Variants in CELF4 observed in about 807,000 individuals in gnomAD.
The protein encoded by CELF4 is CUG-BP- and ETR-3-like factor 4.
In CELF4, 18 loss-of-function variants were observed where a neutral mutation model predicts 59.9. The ratio of observed to expected loss-of-function variants is 0.30; its 90% CI spans 0.21 to 0.45. The LOEUF (loss-of-function observed/expected upper bound fraction) is 0.45, where lower values mean the gene tolerates loss of function less well. Among genes scored for constraint, CELF4 ranks in the 20% least tolerant of loss-of-function variants. The pLI, the probability that CELF4 is intolerant of heterozygous loss-of-function variation, is 1.00. For missense variants in CELF4, 456 were observed against 689.0 expected, an observed-to-expected ratio of 0.66 and a Z score of 3.79; for synonymous variants, 261 against 267.1, an observed-to-expected ratio of 0.98 and a Z score of 0.22.
chr18:37,284,959 A>G (rs186073289), intron 3 of CELF4, among the ~76,000 whole-genome samples: 11 of 152,294 alleles, frequency 7.2e-5, no homozygotes, highest in Non-Finnish European at 1.5e-4. Context: ...CCCCCCAGGC[A>G]GAGGAGGGTA....
intron 1 of CELF4, among the ~76,000 whole-genome samples, chr18:37,523,149 C>T (rs920698881): frequency 4.6e-5 from 7 of 151,984 alleles, no homozygotes; most frequent in Admixed American, 3.3e-4. Context: ...CACACATTCA[C>T]GTGGGCTTGG....
chr18:37,272,589 A>AG (rs1210004831), intron 7 of CELF4, among the ~76,000 whole-genome samples: 1 of 151,460 alleles, frequency 6.6e-6, no homozygotes, highest in Non-Finnish European at 1.5e-5. Context: ...AAAAAAAAAA[A>AG]AAAAAGACGA....
intron 2 of CELF4, among the ~76,000 whole-genome samples, chr18:37,414,821 T>TCATCCACTCATCCATCTACC (rs1299324611): frequency 7.9e-5 from 12 of 151,878 alleles, no homozygotes; most frequent in Non-Finnish European, 1.5e-4. Flanking sequence ...CATCCAGCAT[T>TCATCCACTCATCCATCTACC]CATCCACTCA....
At chr18:37,456,423 C>T (rs1276964271) in intron 2 of CELF4, among the ~76,000 whole-genome samples, 2 of 152,188 alleles carry the variant, frequency 1.3e-5, no homozygotes, top group Admixed American at 1.3e-4. Flanking sequence ...CTTTGCTTCT[C>T]TGTGTGCAGG....
intron 2 of CELF4, among the ~76,000 whole-genome samples, chr18:37,392,514 C>T (rs942609519): frequency 1.3e-5 from 2 of 152,172 alleles, no homozygotes; most frequent in African/African-American, 2.4e-5. Context: ...GAAGAGGCAG[C>T]GCTCACTGCA....
chr18:37,353,233 A>AAAAAATATAT lies in CELF4; in HGVS notation c.370-31353_370-31352insATATATTTTT, dbSNP rs71168258. Among the ~76,000 whole-genome samples, 769 of 106,892 alleles carry AAAAAATATAT rather than the reference A, an allele frequency of 7.2e-3. 5 individuals are homozygous for AAAAAATATAT. The highest frequency in any genetic ancestry group is 9.9e-3 in the Non-Finnish European group (541 of 54,922). 70.1% of individuals were successfully genotyped at this position (106,892 alleles called of 152,430 possible). A position where few individuals can be genotyped will look rare whatever the true frequency, so the allele number is the denominator to read the frequency against. ...GAGACTCCGTCTCAAAAAAAAAAAA[A>AAAAAATATAT]ATATATATATATATATACATAAAAG... On this transcript the variant is annotated intron_variant, in intron 2 of 12. Transcript: ENST00000420428.
At chr18:37,267,575 A>G (rs1437369460) in intron 8 of CELF4, among the ~76,000 whole-genome samples, 1 of 152,166 alleles carries the variant, frequency 6.6e-6, no homozygotes, top group African/African-American at 2.4e-5. Flanking sequence ...GGAAAACTGG[A>G]TAACACGATG....
intron 3 of CELF4, among the ~76,000 whole-genome samples, chr18:37,316,610 T>G (rs144572682): frequency 0.01 from 1,530 of 152,174 alleles, 16 homozygotes; most frequent in South Asian, 0.055. Flanking sequence ...TTTAACTTTG[T>G]GTCCTCACTG....
chr18:37,518,510 G>A (rs569668515), intron 1 of CELF4, among the ~76,000 whole-genome samples: 5 of 152,208 alleles, frequency 3.3e-5, no homozygotes, highest in Admixed American at 1.3e-4. Context: ...AACAATCTCC[G>A]GGCAGGCAAG....
chr18:37,301,983 T>G (rs4799912), intron 3 of CELF4, among the ~76,000 whole-genome samples: 83,143 of 152,082 alleles, frequency 0.55, 24,768 homozygotes, highest in African/African-American at 0.79. Flanking sequence ...TCTGGGCAGG[T>G]GTCATTCAAA....
chr18:37,343,517 C>G (rs1324073497), intron 2 of CELF4, among the ~76,000 whole-genome samples: 1 of 151,996 alleles, frequency 6.6e-6, no homozygotes, highest in Non-Finnish European at 1.5e-5. Context: ...CGGCCAGGCT[C>G]GGCTTTGTGT....
chr18:37,343,520 C>T (rs1265238784), intron 2 of CELF4, among the ~76,000 whole-genome samples: 3 of 151,982 alleles, frequency 2.0e-5, no homozygotes, highest in Non-Finnish European at 4.4e-5. Flanking sequence ...CCAGGCTCGG[C>T]TTTGTGTTCA....
At chr18:37,464,306 C>A (rs924054695) in intron 2 of CELF4, among the ~76,000 whole-genome samples, 1 of 151,864 alleles carries the variant, frequency 6.6e-6, no homozygotes, top group Non-Finnish European at 1.5e-5. Flanking sequence ...AAATGTAGAT[C>A]GCATCTGTAC....
chr18:37,527,348 A>G (rs769502407), intron 1 of CELF4, among the ~76,000 whole-genome samples: 11 of 152,132 alleles, frequency 7.2e-5, no homozygotes, highest in African/African-American at 2.6e-4. Context: ...TCGAGCCTCT[A>G]AAGTTATTCT....
At chr18:37,294,257 A>G (rs2095514431) in intron 3 of CELF4, among the ~76,000 whole-genome samples, 1 of 152,184 alleles carries the variant, frequency 6.6e-6, no homozygotes, top group Non-Finnish European at 1.5e-5. Context: ...GGTCATCAGC[A>G]CATTTTAAAA....
intron 3 of CELF4, among the ~76,000 whole-genome samples, chr18:37,280,274 G>GACAT (rs10627431): frequency 0.79 from 120,292 of 151,778 alleles, 48,043 homozygotes; most frequent in African/African-American, 0.91. Flanking sequence ...CAAAACCCCT[G>GACAT]ACTTTGCATC....
At chr18:37,338,343 G>A (rs145059624) in intron 2 of CELF4, among the ~76,000 whole-genome samples, 9 of 131,830 alleles carry the variant, frequency 6.8e-5, no homozygotes, top group African/African-American at 2.9e-4. Context: ...CACCACTGTC[G>A]CTGCCACCAT....
intron 10 of CELF4, among the ~76,000 whole-genome samples, chr18:37,259,976 C>T (rs991337602): frequency 6.6e-6 from 1 of 152,230 alleles, no homozygotes; most frequent in African/African-American, 2.4e-5. Context: ...CAGTAACAGC[C>T]CTGCGACTTC....
chr18:37,496,782 T>A (rs754693120), intron 1 of CELF4, among the ~76,000 whole-genome samples: 1 of 152,240 alleles, frequency 6.6e-6, no homozygotes, highest in Non-Finnish European at 1.5e-5. Context: ...GGCTTTGGGC[T>A]GCACCCAACA....
Sources: allele counts gnomAD v4.1 joint callset (sites outside exome capture counted in the v4.1 genomes callset), GRCh38; gene constraint gnomAD v4.1.1; transcripts MANE v1.5; gene names NCBI Gene and HGNC (gene_info 2026-07-23, HGNC 2026-07-21).